SIGLEC1: variants seen among roughly 807,000 people sequenced by gnomAD.
The protein encoded by SIGLEC1 is sialoadhesin.
SIGLEC1 carries 132 observed loss-of-function variants against 148.0 expected under a neutral mutation model. The ratio of observed to expected loss-of-function variants is 0.89; its 90% CI spans 0.77 to 1.03. The LOEUF (loss-of-function observed/expected upper bound fraction) is 1.03. Ranked by LOEUF, SIGLEC1 falls within the 50% of genes least tolerant of loss-of-function variation. The pLI is 0.00. For synonymous variants in SIGLEC1, 945 were observed against 969.0 expected (o/e 0.98, Z 0.46); for missense variants, 2,253 against 2,271.4 (o/e 0.99, Z 0.16).
intron 20 of SIGLEC1, 72 bp downstream of exon 20, chr20:3,689,528 G>A (rs1162553225): frequency 1.9e-6 from 2 of 1,066,674 alleles, no homozygotes; most frequent in East Asian, 2.6e-5. Flanking sequence ...AAGGACCTGG[G>A]GGAATTTGGG....
At chr20:3,697,015 C>T (rs891064462) in intron 10 of SIGLEC1, 70 bp downstream of exon 10, 14 of 1,571,488 alleles carry the variant, frequency 8.9e-6, no homozygotes, top group South Asian at 5.7e-5. Context: ...AACCCCAGCC[C>T]GGCCCCTGCT....
chr20:3,692,303 TGGCCACTTCCTA>T lies in SIGLEC1; in HGVS notation c.4031-113_4031-102del. On this transcript the variant is annotated intron_variant, in intron 16 of 21. Coordinates refer to ENST00000344754, the MANE Select transcript of SIGLEC1 (RefSeq NM_023068.4). The stretch of plus-strand genomic sequence containing the variant: ...GGTCAGGCTGAGGCCTCTGGACCAA[TGGCCACTTCCTA>T]GAAGTGACACCTTCCCAGGAGTCCT... The T allele has an allele frequency of 2.4e-6, 3 of 1,275,752 alleles. No homozygotes were observed. In the South Asian group the frequency reaches 4.6e-5, roughly 19 times the overall value. The allele number at this position is 1,275,752 out of a possible 1,614,324, so 79.0% of individuals were successfully genotyped here. A position where few individuals can be genotyped will look rare whatever the true frequency, so the allele number is the denominator to read the frequency against.
chr20:3,705,570 C>T (rs544487969), intron 4 of SIGLEC1, among the ~76,000 whole-genome samples, 174 bp downstream of exon 4: 4 of 152,334 alleles, frequency 2.6e-5, no homozygotes, highest in East Asian at 1.9e-4. Context: ...AACCATTTAA[C>T]GAAGTCCTTG....
In SIGLEC1 at chr20:3,692,863, C is replaced by G; in HGVS notation, c.3777G>C (p.Glu1259Asp). ...QANTSLELRL[E>D]GVRVILAPEA... ...GGCTTGGCCTAGGCCCTGCCTTACC[C>G]TCCAGCCGCAGCTCCAGGGACGTGT... The change falls in exon 15 of 22, where the codon GAG becomes GAC. Residue 1259 changes from glutamate (E) to aspartate (D), a missense_variant and splice_region_variant. Physicochemically the swap from Glu to Asp is conservative, Grantham distance 45. Transcript: ENST00000344754. 13 of 1,608,238 alleles carry G rather than the reference C, an allele frequency of 8.1e-6. No homozygotes were observed. Among genetic ancestry groups the G allele is most frequent in the Non-Finnish European group, 1.1e-5 (13 of 1,178,116 alleles).
At chr20:3,712,055 T>C (rs2087931598) in intron 1 of SIGLEC1, among the ~76,000 whole-genome samples, 1 of 151,590 alleles carries the variant, frequency 6.6e-6, no homozygotes, top group Non-Finnish European at 1.5e-5. Flanking sequence ...TAAGATACGG[T>C]GGAGGCTGGG....
rs755048083 is a variant in SIGLEC1, at chr20:3,693,553, G to A, written c.3402C>T (p.Ile1134=). The A allele has an allele frequency of 4.3e-6, 7 of 1,612,536 alleles. No homozygotes were observed. In the South Asian group the frequency reaches 5.5e-5, roughly 13 times the overall value. ...CCCTGACTGTGACGTTGGGCAGGGG[G>A]ATGGAGTGGGCATCCAGGCGCTGCT... ...DGQQRLDAHS[I]PLPNVTVRDA... Residue 1134 remains isoleucine (I), a synonymous_variant, in exon 14 of 22, where the codon ATC becomes ATT. Transcript: ENST00000344754.
chr20:3,691,489 C>T lies in SIGLEC1; in HGVS notation c.4442G>A (p.Trp1481Ter), dbSNP rs1293935386. The T allele has an allele frequency of 2.5e-6, 4 of 1,613,470 alleles. No homozygotes were observed. Among genetic ancestry groups the T allele is most frequent in the Middle Eastern group, 3.3e-4 (2 of 6,062 alleles). Residue 1481 changes from tryptophan (W) to a stop codon, truncating the protein, a stop_gained, in exon 18 of 22, where the codon TGG becomes TAG. Transcript: ENST00000344754. LOFTEE classifies it high-confidence loss of function. ...GTGCAGCCGCCGGTCATTCCAGAAC[C>T]ATGCAAAGGTGGAGTTGCCCACAGG... ...PGPVGNSTFA[W>*]FWNDRRLHAE...
chr20:3,702,988 C>T, intron 6 of SIGLEC1: 1 of 580,350 alleles, frequency 1.7e-6, no homozygotes, highest in Non-Finnish European at 3.0e-6. Flanking sequence ...TGCAACTTTT[C>T]ATAAGTTTAA....
chr20:3,709,141 G>C (rs2087915912), intron 1 of SIGLEC1, among the ~76,000 whole-genome samples: 1 of 148,956 alleles, frequency 6.7e-6, no homozygotes. Context: ...GAAAATATTT[G>C]TAAATCATTT....
chr20:3,712,365 G>GC (rs5840008), intron 1 of SIGLEC1, among the ~76,000 whole-genome samples, 105 bp downstream of exon 1: 63,954 of 144,780 alleles, frequency 0.44, 14,599 homozygotes, highest in South Asian at 0.62. Flanking sequence ...CCCAGATGGA[G>GC]CCCCCCCCCG....
rs775491356 is a variant in SIGLEC1, at chr20:3,705,837, C to A, written c.613G>T (p.Ala205Ser). ...GVGHLETLHM[A>S]MSWQDHGRIL... ...CGGCCGTGGTCCTGCCAGGACATGG[C>A]CATGTGGAGGGTCTCCAGGTGGCCG... The change falls in exon 4 of 22, where the codon GCC becomes TCC. Residue 205 changes from alanine (A) to serine (S), a missense_variant. Ala to Ser is a moderately conservative substitution (Grantham distance 99). Transcript: ENST00000344754. 6.2e-7 allele frequency: 1 copy of A among 1,614,122 alleles called. No individual in the cohort carries two copies. The highest frequency in any genetic ancestry group is 1.6e-4 in the Middle Eastern group (1 of 6,062).
Position 3,706,493 on chromosome 20 carries a change from T to G in SIGLEC1, c.263A>C (p.Glu88Ala). ...LVEARFRGRT[E>A]FMGNPEHRVC... ...CCTGTGCTCGGGGTTCCCCATGAAC[T>G]CGGTGCGGCCGCGGAAGCGGGCCTC... The change falls in exon 3 of 22, where the codon GAG (glutamate) becomes GCG (alanine). Residue 88 changes from glutamate (E) to alanine (A), a missense_variant. Coordinates refer to ENST00000344754, the MANE Select transcript of SIGLEC1 (RefSeq NM_023068.4). The G allele has an allele frequency of 1.9e-6, 3 of 1,613,768 alleles. No individual in the cohort carries two copies. The highest frequency in any genetic ancestry group is 2.5e-6 in the Non-Finnish European group (3 of 1,180,026).
rs1384804869 is a variant in SIGLEC1, at chr20:3,701,466, G to A, written c.1404C>T (p.Thr468=). ...CCAGGCGCAGGGAGTTGGGACCAGA[G>A]GTACCACTGAAGCGTGGGCTGTGAT... ...DSDHSPRFSG[T]SGPNSLRLEI... is the part of the protein sequence containing the mutation. Residue 468 remains threonine (T), a synonymous_variant, in exon 7 of 22, where the codon ACC becomes ACT. Coordinates refer to ENST00000344754, the MANE Select transcript of SIGLEC1 (RefSeq NM_023068.4). 3 of 1,614,144 alleles carry A rather than the reference G, an allele frequency of 1.9e-6. No individual in the cohort carries two copies. The highest frequency in any genetic ancestry group is 1.3e-5 in the African/African-American group (1 of 75,064).
intron 3 of SIGLEC1, 26 bp downstream of exon 3, chr20:3,706,321 G>A (rs1379145102): frequency 1.9e-6 from 3 of 1,587,600 alleles, no homozygotes; most frequent in Admixed American, 1.7e-5. Flanking sequence ...CCTCCCGGGG[G>A]GCAGCCAGGC....
rs1246489930 is a variant in SIGLEC1, at chr20:3,688,087, A to T, written c.*473T>A. 5.3e-6 allele frequency: 1 copy of T among 189,386 alleles called. No individual in the cohort carries two copies. The highest frequency in any genetic ancestry group is 2.4e-5 in the African/African-American group (1 of 41,872). 11.7% of individuals were successfully genotyped at this position (189,386 alleles called of 1,614,324 possible). A position where few individuals can be genotyped will look rare whatever the true frequency, so the allele number is the denominator to read the frequency against. On this transcript the variant is annotated 3_prime_UTR_variant, in exon 22 of 22. Transcript: ENST00000344754. ...CATAAACCATCGTAACAGCCAGACT[A>T]GCGTGGGAGAGAAAAATAAAATTCT... is the stretch of plus-strand genomic sequence containing the variant.
intron 20 of SIGLEC1, 46 bp downstream of exon 20, chr20:3,689,554 G>A (rs1600277888): frequency 2.2e-6 from 3 of 1,347,588 alleles, no homozygotes; most frequent in South Asian, 2.6e-5. Context: ...GACGAGGTGG[G>A]CTGCCTTACC....
chr20:3,706,204 G>T (rs771036934), intron 3 of SIGLEC1, 143 bp downstream of exon 3: 12 of 1,334,852 alleles, frequency 9.0e-6, no homozygotes, highest in Non-Finnish European at 1.2e-5. Context: ...GGAGAACCAG[G>T]CCTGGGCCTA....
At chr20:3,698,513 A>G (rs2087823868) in intron 8 of SIGLEC1, among the ~76,000 whole-genome samples, 1 of 152,138 alleles carries the variant, frequency 6.6e-6, no homozygotes, top group East Asian at 1.9e-4. Context: ...ATGCCTTACC[A>G]CGGAGCCTCC....
rs756115185 is a variant in SIGLEC1, at chr20:3,710,286, G to A, written c.-110+2184C>T. On this transcript the variant is annotated intron_variant, in intron 1 of 21. Coordinates refer to ENST00000344754, the MANE Select transcript of SIGLEC1 (RefSeq NM_023068.4). The surrounding 1 kb of genome is among the most constrained non-coding windows in gnomAD (Gnocchi z 4.6). ...GGCCCAGGGCCAGTCAGGCTGACCAGGTGGGACTTAGCCTGCTGCAGAAGG... is the reference window on the plus strand; with the variant it reads ...GGCCCAGGGCCAGTCAGGCTGACCAAGTGGGACTTAGCCTGCTGCAGAAGG... Among the ~76,000 whole-genome samples, 5 of 152,206 alleles carry A rather than the reference G, an allele frequency of 3.3e-5. No individual in the cohort carries two copies. The highest frequency in any genetic ancestry group is 7.3e-5 in the Non-Finnish European group (5 of 68,034).
Sources: gnomAD v4.1 joint callset for allele counts (sites outside exome capture counted in the v4.1 genomes callset) on GRCh38, gnomAD v4.1.1 for gene constraint, Gnocchi (gnomAD v3.1) non-coding constraint, MANE v1.5 for transcripts, NCBI Gene and HGNC (gene_info 2026-07-23, HGNC 2026-07-21) for gene names.